The following AKAP10 variants were observed in gnomAD, a reference collection of about 807,000 sequenced individuals.
The protein encoded by AKAP10 is A-kinase anchoring protein 10.
Under a neutral mutation model 80.8 loss-of-function variants are expected in AKAP10, and 24 were observed. The observed-to-expected ratio is 0.30, with a 90% CI of 0.22 to 0.42. The LOEUF (loss-of-function observed/expected upper bound fraction) is 0.42, where lower values mean the gene tolerates loss of function less well. Ranked by LOEUF, AKAP10 falls within the 10% of genes least tolerant of loss-of-function variation. AKAP10 has a pLI of 1.00. For synonymous variants in AKAP10, 291 were observed against 277.7 expected (o/e 1.05, Z -0.48); for missense variants, 661 against 794.9 (o/e 0.83, Z 2.03).
intron 5 of AKAP10, among the ~76,000 whole-genome samples, chr17:19,945,479 A>T (rs2043093836): frequency 6.6e-6 from 1 of 152,084 alleles, no homozygotes; most frequent in Non-Finnish European, 1.5e-5. Flanking sequence ...AACACAGAAA[A>T]CCTCAAATCT....
intron 12 of AKAP10, among the ~76,000 whole-genome samples, chr17:19,913,138 C>T (rs2152409800): frequency 6.7e-6 from 1 of 150,018 alleles, no homozygotes; most frequent in East Asian, 2.0e-4. Context: ...TACCCGCCAC[C>T]ACGCCTGGCT....
In AKAP10 at chr17:19,940,942, G is replaced by T. The variant is rs1466093475; in HGVS notation, c.1130C>A (p.Thr377Asn). Residue 377 changes from threonine to asparagine, a missense_variant, in exon 7 of 15, where the codon ACT becomes AAT. Physicochemically the swap from Thr to Asn is moderately conservative, Grantham distance 65. Coordinates refer to ENST00000225737, the MANE Select transcript of AKAP10 (RefSeq NM_007202.4). ...GAAGAGAATGTCAGCCAGGTAAACA[G>T]TTCCACTGGTCAGCACTTCAATCTG... ...KYQIEVLTSG[T>N]VYLADILFCE... is the part of the protein sequence containing the mutation. 6.2e-7 allele frequency: 1 copy of T among 1,611,676 alleles called. No homozygotes were observed.
Position 19,906,235 on chromosome 17 carries a change from GAAAAA to G in AKAP10, c.1984-8_1984-4del. 1.2e-6 allele frequency: 2 copies of G among 1,604,604 alleles called. No individual in the cohort carries two copies. The highest frequency in any genetic ancestry group is 2.2e-5 in the South Asian group (2 of 90,640). ...TTATCTCAAGTTTTGAGTCATAACT[GAAAAA>G]AGAAAAGAAAAGAAAATGGTAAGGT... is the stretch of plus-strand genomic sequence containing the variant. On this transcript the variant is annotated splice_polypyrimidine_tract_variant and splice_region_variant and intron_variant, in intron 14 of 14. Coordinates refer to ENST00000225737, the MANE Select transcript of AKAP10 (RefSeq NM_007202.4).
chr17:19,928,741 G>A (rs990379656), intron 10 of AKAP10, among the ~76,000 whole-genome samples: 17 of 151,922 alleles, frequency 1.1e-4, no homozygotes, highest in African/African-American at 2.4e-4. Context: ...GTGGTGGTGC[G>A]TGCCTATAGT....
chr17:19,953,280 A>G (rs2043236155), intron 4 of AKAP10, among the ~76,000 whole-genome samples: 1 of 152,066 alleles, frequency 6.6e-6, no homozygotes, highest in Non-Finnish European at 1.5e-5. Flanking sequence ...AATTTACAGT[A>G]TTAAATGCTT....
chr17:19,938,906 T>C (rs1454329163), intron 8 of AKAP10, among the ~76,000 whole-genome samples: 4 of 152,012 alleles, frequency 2.6e-5, no homozygotes. Flanking sequence ...CTAATTTTTG[T>C]ATTTTTAGTA....
chr17:19,961,592 A>G (rs2043350102), intron 3 of AKAP10, among the ~76,000 whole-genome samples: 1 of 152,210 alleles, frequency 6.6e-6, no homozygotes, highest in Non-Finnish European at 1.5e-5. Context: ...TTTTATTAGA[A>G]GTCCATTGGT....
chr17:19,914,628 C>CAAAAAAAAA (rs36071856), intron 12 of AKAP10, among the ~76,000 whole-genome samples: 14 of 58,374 alleles, frequency 2.4e-4, no homozygotes, highest in African/African-American at 3.1e-4. Flanking sequence ...GACCCTATCT[C>CAAAAAAAAA]AAAAAAAAAA....
chr17:19,920,855 CAAAAAAAAAAAAA>C (rs61148312), intron 11 of AKAP10, among the ~76,000 whole-genome samples: 11 of 35,324 alleles, frequency 3.1e-4, no homozygotes, highest in South Asian at 2.1e-3. Flanking sequence ...GACTCTATCT[CAAAAAAAAAAAAA>C]AAAAAAAAAA....
intron 2 of AKAP10, among the ~76,000 whole-genome samples, chr17:19,965,270 T>A (rs2043402181): frequency 6.6e-6 from 1 of 152,260 alleles, no homozygotes. Context: ...CAAGATTTGT[T>A]GACTTTTCCT....
chr17:19,950,854 A>AG (rs1425603023), intron 4 of AKAP10, among the ~76,000 whole-genome samples: 1 of 140,508 alleles, frequency 7.1e-6, no homozygotes, highest in African/African-American at 2.7e-5. Flanking sequence ...CATCCCGTCT[A>AG]GGAAGTGAGG....
rs2042628764 is a variant in AKAP10 at position 19,906,039 on chromosome 17, C to T, written c.*188G>A. 1 of 586,234 alleles carries T rather than the reference C, an allele frequency of 1.7e-6. No individual in the cohort carries two copies. The highest frequency in any genetic ancestry group is 3.0e-6 in the Non-Finnish European group (1 of 330,856). 36.3% of individuals were successfully genotyped at this position (586,234 alleles called of 1,614,324 possible). A position where few individuals can be genotyped will look rare whatever the true frequency, so the allele number is the denominator to read the frequency against. The stretch of plus-strand genomic sequence containing the variant: ...ACTCTCACTGTGTGAACATCATGTG[C>T]ATCAATTATGCCTACAGGTAACTGC... On this transcript the variant is annotated 3_prime_UTR_variant, in exon 15 of 15. Coordinates refer to ENST00000225737, the MANE Select transcript of AKAP10 (RefSeq NM_007202.4).
rs111892712 is a variant in AKAP10 at position 19,963,061 on chromosome 17, T to C, written c.137-39A>G. On this transcript the variant is annotated intron_variant, in intron 2 of 14. Coordinates refer to ENST00000225737, the MANE Select transcript of AKAP10 (RefSeq NM_007202.4). ...AAAAATTGTTAAGAATTAAACACAA[T>C]TTGATAGCCTAAAACTCTCATAAAG... 11 of 1,534,446 alleles carry C rather than the reference T, an allele frequency of 7.2e-6. No homozygotes were observed. The East Asian group carries it at 2.5e-4, about 35-fold the overall frequency.
At chr17:19,950,222 C>CA (rs1269145514) in intron 4 of AKAP10, among the ~76,000 whole-genome samples, 2 of 151,722 alleles carry the variant, frequency 1.3e-5, no homozygotes, top group Non-Finnish European at 2.9e-5. Context: ...GAGAATCACT[C>CA]AAAAAAATAA....
chr17:19,961,365 A>AAAAG (rs886538200), intron 3 of AKAP10, among the ~76,000 whole-genome samples: 2 of 152,090 alleles, frequency 1.3e-5, no homozygotes, highest in Non-Finnish European at 2.9e-5. Context: ...AAGAAAAAAA[A>AAAAG]AAAGAAAGAA....
In AKAP10 at chr17:19,911,475, G is replaced by A. The variant is rs1026014794; in HGVS notation, c.1835-1497C>T. 2.0e-5 allele frequency among the ~76,000 whole-genome samples: 3 copies of A among 152,018 alleles called. No individual in the cohort carries two copies. In the East Asian group the frequency reaches 5.8e-4, roughly 29 times the overall value. On this transcript the variant is annotated intron_variant, in intron 12 of 14. Coordinates refer to ENST00000225737, the MANE Select transcript of AKAP10 (RefSeq NM_007202.4). ...CCACTGGCTGACTGGTGTCCCTCAT[G>A]CCAGTCTCTCCCACCTCCAATTCAT...
intron 3 of AKAP10, among the ~76,000 whole-genome samples, chr17:19,962,600 T>C (rs2043366063): frequency 6.6e-6 from 1 of 152,222 alleles, no homozygotes; most frequent in African/African-American, 2.4e-5. Context: ...TTTTCATATA[T>C]TTATATTTAG....
chr17:19,909,171 T>C lies in AKAP10; in HGVS notation c.1983+10A>G. 1 of 1,590,210 alleles carries C rather than the reference T, an allele frequency of 6.3e-7. No individual in the cohort carries two copies. The highest frequency in any genetic ancestry group is 1.2e-5 in the South Asian group (1 of 86,810). ...ACTTTTTAGTTTACACAAAACGAAG[T>C]CATCCTTACCTTTGTAGATTTCTCT... On this transcript the variant is annotated intron_variant, in intron 14 of 14. Coordinates refer to ENST00000225737, the MANE Select transcript of AKAP10 (RefSeq NM_007202.4).
At chr17:19,930,799 C>T (rs983282615) in intron 10 of AKAP10, among the ~76,000 whole-genome samples, 2 of 152,138 alleles carry the variant, frequency 1.3e-5, no homozygotes, top group South Asian at 2.1e-4. Context: ...CAACCTCCGA[C>T]TCCCTGGTTG....
Sources: gnomAD v4.1 joint callset for allele counts (sites outside exome capture counted in the v4.1 genomes callset) on GRCh38, gnomAD v4.1.1 for gene constraint, MANE v1.5 for transcripts, NCBI Gene and HGNC (gene_info 2026-07-23, HGNC 2026-07-21) for gene names.